Variants in GRK4 observed in about 807,000 individuals in gnomAD.
The protein encoded by GRK4 is G protein-coupled receptor kinase 2-like.
GRK4 carries 73 observed loss-of-function variants against 77.9 expected under a neutral mutation model. That is an observed-to-expected ratio of 0.94 (90% CI 0.78 to 1.14). The LOEUF is 1.14. GRK4 is among the 50% of genes most tolerant of loss of function. GRK4 has a pLI of 0.00. For missense variants in GRK4, 729 were observed against 700.2 expected (o/e 1.04, Z -0.46); for synonymous variants, 257 against 254.4 (o/e 1.01, Z -0.10).
At chr4:3,017,425 T>C (rs1233198339) in intron 8 of GRK4, among the ~76,000 whole-genome samples, 4 of 152,310 alleles carry the variant, frequency 2.6e-5, no homozygotes, top group South Asian at 2.1e-4. Flanking sequence ...CTCAGGGCCA[T>C]GCTCACCACT....
At chr4:3,025,471 G>C (rs1416328949) in intron 10 of GRK4, among the ~76,000 whole-genome samples, 1 of 139,172 alleles carries the variant, frequency 7.2e-6, no homozygotes, top group Admixed American at 7.6e-5. Context: ...CTCACTGTAA[G>C]CTCCGCCTCC....
chr4:3,028,457 C>G (rs1044085216), intron 11 of GRK4, among the ~76,000 whole-genome samples: 1 of 152,172 alleles, frequency 6.6e-6, no homozygotes, highest in African/African-American at 2.4e-5. Flanking sequence ...GCTTTCCGCT[C>G]TTGCGTCTTG....
At chr4:2,991,994 A>C (rs993109676) in intron 3 of GRK4, among the ~76,000 whole-genome samples, 4 of 129,156 alleles carry the variant, frequency 3.1e-5, no homozygotes, top group African/African-American at 1.2e-4. Flanking sequence ...GAGGATATCA[A>C]ACCAAATAAT....
At chr4:3,014,409 A>G (rs1041128191) in intron 8 of GRK4, among the ~76,000 whole-genome samples, 2 of 147,734 alleles carry the variant, frequency 1.4e-5, no homozygotes, top group African/African-American at 2.5e-5. Context: ...TGATCCTCCT[A>G]CCTCAGCCTC....
intron 1 of GRK4, among the ~76,000 whole-genome samples, chr4:2,973,430 A>T (rs1720165293): frequency 6.6e-6 from 1 of 152,046 alleles, no homozygotes; most frequent in African/African-American, 2.4e-5. Context: ...CTCTCCACTC[A>T]ACTTGCAGCT....
intron 4 of GRK4, among the ~76,000 whole-genome samples, chr4:3,003,899 T>C (rs537707396): frequency 3.3e-5 from 5 of 152,300 alleles, no homozygotes; most frequent in Admixed American, 6.5e-5. Flanking sequence ...TAGTTTTGTA[T>C]TTTTAGTAGA....
intron 5 of GRK4, among the ~76,000 whole-genome samples, chr4:3,006,895 T>G (rs1560439344): frequency 6.6e-6 from 1 of 152,194 alleles, no homozygotes; most frequent in Non-Finnish European, 1.5e-5. Context: ...TCAGATTTCT[T>G]CCTGTCTTCA....
At chr4:3,037,208 TG>T (rs1365454443) in intron 13 of GRK4, among the ~76,000 whole-genome samples, 165 bp from the exon 14 acceptor site, 1 of 152,168 alleles carries the variant, frequency 6.6e-6, no homozygotes, top group African/African-American at 2.4e-5. Context: ...GGACACATTC[TG>T]TGATTTAGAA....
chr4:2,973,861 C>T (rs542643404), intron 1 of GRK4, among the ~76,000 whole-genome samples: 2 of 152,304 alleles, frequency 1.3e-5, no homozygotes, highest in South Asian at 2.1e-4. Context: ...GAGTGAAAGC[C>T]GTAGTCTCTG....
intron 14 of GRK4, 116 bp downstream of exon 14, chr4:3,037,627 T>C (rs1301253897): frequency 8.0e-7 from 1 of 1,254,622 alleles, no homozygotes; most frequent in East Asian, 2.5e-5. Context: ...GATAAAATTA[T>C]ATAAGACGGC....
Position 2,964,099 on chromosome 4 carries a change from C to G in GRK4, c.29C>G (p.Ser10Trp), listed in dbSNP as rs1264755909. MELENIVAN[S>W]LLLKARQGGY... ...GAGCTCGAGAACATCGTGGCCAACT[C>G]GCTGCTGCTGAAAGCGCGTCAAGGT... Residue 10 changes from serine to tryptophan, a missense_variant, in exon 1 of 16, where the codon TCG becomes TGG. Ser to Trp is a radical substitution (Grantham distance 177). Coordinates refer to ENST00000398052, the MANE Select transcript of GRK4 (RefSeq NM_182982.3). The G allele has an allele frequency of 3.1e-6, 5 of 1,607,872 alleles. No homozygotes were observed. The highest frequency in any genetic ancestry group is 1.1e-5 in the South Asian group (1 of 90,104).
rs772388217 is a variant in GRK4, at chr4:3,019,655, C to T, written c.756C>T (p.Tyr252=). 63 of 1,612,910 alleles carry T rather than the reference C, an allele frequency of 3.9e-5. No individual in the cohort carries two copies. The East Asian group carries it at 1.1e-3, about 27-fold the overall frequency. The change falls in exon 9 of 16, where the codon TAC becomes TAT. Residue 252 remains tyrosine, a synonymous_variant. Coordinates refer to ENST00000398052, the MANE Select transcript of GRK4 (RefSeq NM_182982.3). Reference sequence around the variant, plus strand: ...GCTGTCTTTAGGTTAGTTTAGCCTACGCTTATGAAACCAAAGATGCCTTGT... The same window carrying T: ...GCTGTCTTTAGGTTAGTTTAGCCTATGCTTATGAAACCAAAGATGCCTTGT... ...VQSRFVVSLA[Y]AYETKDALCL... is the part of the protein sequence containing the mutation.
chr4:2,964,584 G>A (rs1716897755), intron 1 of GRK4, among the ~76,000 whole-genome samples: 1 of 152,216 alleles, frequency 6.6e-6, no homozygotes, highest in Admixed American at 6.5e-5. Flanking sequence ...GTAGGGCAAT[G>A]TTATTTTTAA....
At chr4:3,016,992 T>A (rs1734735822) in intron 8 of GRK4, among the ~76,000 whole-genome samples, 1 of 152,274 alleles carries the variant, frequency 6.6e-6, no homozygotes. Flanking sequence ...TCATCCCTGC[T>A]GCGCCCTGAC....
At chr4:3,015,234 C>G (rs1309421836) in intron 8 of GRK4, among the ~76,000 whole-genome samples, 1 of 152,150 alleles carries the variant, frequency 6.6e-6, no homozygotes, top group Non-Finnish European at 1.5e-5. Flanking sequence ...AGTATGAAGA[C>G]TGGTTGAAGG....
intron 4 of GRK4, among the ~76,000 whole-genome samples, chr4:2,998,071 G>A (rs866929715): frequency 2.0e-5 from 3 of 151,994 alleles, no homozygotes; most frequent in Non-Finnish European, 4.4e-5. Context: ...GAAATAAAAG[G>A]TATTCACCAG....
chr4:3,038,426 A>T lies in GRK4; in HGVS notation c.1596A>T (p.Glu532Asp). The T allele has an allele frequency of 6.2e-7, 1 of 1,614,208 alleles. No homozygotes were observed. The highest frequency in any genetic ancestry group is 8.5e-7 in the Non-Finnish European group (1 of 1,180,008). ...ACATCAACAAAAGTGAAAGTGAGGA[A>T]GCTTTGCCATTAGATCTAGACAAGA... is the stretch of plus-strand genomic sequence containing the variant. ...FKDINKSESEEALPLDLDKNI... is the reference protein window; with the variant it reads ...FKDINKSESEDALPLDLDKNI... The change falls in exon 15 of 16, where the codon GAA becomes GAT. Residue 532 changes from glutamate to aspartate, a missense_variant. Physicochemically the swap from Glu to Asp is conservative, Grantham distance 45. Coordinates refer to ENST00000398052, the MANE Select transcript of GRK4 (RefSeq NM_182982.3).
At chr4:2,986,352 A>ATTTT (rs1560381271) in intron 2 of GRK4, among the ~76,000 whole-genome samples, 1 of 73,980 alleles carries the variant, frequency 1.4e-5, no homozygotes. Flanking sequence ...AAAAGGTGTT[A>ATTTT]TCTTTTTTTT....
chr4:2,985,737 G>T, intron 2 of GRK4: 1 of 325,522 alleles, frequency 3.1e-6, no homozygotes, highest in Non-Finnish European at 6.0e-6. Flanking sequence ...GGTGGCTCAC[G>T]CCCGTAATCC....
Sources: gnomAD v4.1 joint callset for allele counts (sites outside exome capture counted in the v4.1 genomes callset) on GRCh38, gnomAD v4.1.1 for gene constraint, MANE v1.5 for transcripts, NCBI Gene and HGNC (gene_info 2026-07-23, HGNC 2026-07-21) for gene names.